SNX24: variants seen among roughly 807,000 people sequenced by gnomAD.
The protein encoded by SNX24 is sorting nexin 24, also known as sorting nexin-24.
Under a neutral mutation model 28.7 loss-of-function variants are expected in SNX24, and 22 were observed. The ratio of observed to expected loss-of-function variants is 0.77; its 90% CI spans 0.55 to 1.10. The LOEUF (loss-of-function observed/expected upper bound fraction) is 1.10, where lower values mean the gene tolerates loss of function less well. Ranked by LOEUF, SNX24 falls within the 50% of genes least tolerant of loss-of-function variation. The pLI is 0.00. For missense variants in SNX24, 221 were observed against 201.1 expected, an observed-to-expected ratio of 1.10 and a Z score of -0.60; for synonymous variants, 69 against 71.5, an observed-to-expected ratio of 0.96 and a Z score of 0.18.
intron 5 of SNX24, chr5:123,023,514 A>G (rs1663444135): frequency 1.3e-5 from 2 of 156,858 alleles, no homozygotes; most frequent in African/African-American, 4.8e-5. Context: ...CAAAATAATA[A>G]TATCCTCATC....
chr5:123,000,082 A>G, intron 4 of SNX24, 76 bp downstream of exon 4: 1 of 1,006,770 alleles, frequency 9.9e-7, no homozygotes, highest in Non-Finnish European at 1.6e-6. Flanking sequence ...CAAATAGCCC[A>G]GAGTGATGCC....
chr5:122,900,599 C>T (rs980715451), intron 1 of SNX24, among the ~76,000 whole-genome samples: 7 of 151,864 alleles, frequency 4.6e-5, no homozygotes, highest in African/African-American at 1.7e-4. Context: ...AAGACCCCAT[C>T]ACTACAAAAA....
chr5:122,936,817 G>A lies in SNX24; in HGVS notation c.144G>A (p.Lys48=). The A allele has an allele frequency of 6.3e-7, 1 of 1,597,858 alleles. No homozygotes were observed. Among genetic ancestry groups the A allele is most frequent in the Non-Finnish European group, 8.6e-7 (1 of 1,167,778 alleles). ...RYSEFHALHK[K]LKKCIKTPEI... is the part of the protein sequence containing the mutation. ...GCGAATTTCATGCTTTGCACAAAAA[G>A]GTAACTTGTTTTCTGTTTTTTTGTC... The change falls in exon 2 of 7, where the codon AAG becomes AAA. Residue 48 remains lysine (K), a splice_region_variant and synonymous_variant. Coordinates refer to ENST00000261369, the MANE Select transcript of SNX24 (RefSeq NM_014035.4).
At chr5:122,876,492 C>A (rs1392499165) in intron 1 of SNX24, among the ~76,000 whole-genome samples, 1 of 152,188 alleles carries the variant, frequency 6.6e-6, no homozygotes, top group Non-Finnish European at 1.5e-5. Flanking sequence ...TGATCTTACT[C>A]TCAACAAAGT....
chr5:122,954,187 T>TTC (rs150039118), intron 3 of SNX24, among the ~76,000 whole-genome samples: 16 of 144,394 alleles, frequency 1.1e-4, no homozygotes, highest in African/African-American at 3.3e-4. Context: ...GCAGTGAACT[T>TTC]TCTCTCTCTC....
downstream of SNX24, among the ~76,000 whole-genome samples, chr5:123,012,210 C>T (rs1217481169): frequency 3.3e-5 from 5 of 152,282 alleles, no homozygotes; most frequent in East Asian, 9.6e-4. Flanking sequence ...ATAAATTACC[C>T]ACTCTCGGGC....
chr5:122,883,461 A>G (rs1035750910), intron 1 of SNX24, among the ~76,000 whole-genome samples: 8 of 152,198 alleles, frequency 5.3e-5, no homozygotes, highest in Non-Finnish European at 1.0e-4. Flanking sequence ...TATTACCATT[A>G]CATTCTTTTC....
chr5:122,854,100 A>T (rs900978479), intron 1 of SNX24, among the ~76,000 whole-genome samples: 2 of 152,008 alleles, frequency 1.3e-5, no homozygotes, highest in African/African-American at 4.8e-5. Flanking sequence ...AAAAAAAAAA[A>T]GTGGTATGAG....
chr5:122,845,663 T>A lies in SNX24; in HGVS notation c.30T>A (p.Tyr10Ter). The A allele has an allele frequency of 1.4e-5, 20 of 1,429,406 alleles. No homozygotes were observed. Among genetic ancestry groups the A allele is most frequent in the Non-Finnish European group, 1.8e-5 (20 of 1,082,266 alleles). 88.5% of individuals were successfully genotyped at this position (1,429,406 alleles called of 1,614,324 possible). A position where few individuals can be genotyped will look rare whatever the true frequency, so the allele number is the denominator to read the frequency against. The change falls in exon 1 of 7, where the codon TAT (tyrosine) becomes TAA (stop). Residue 10 changes from tyrosine (Y) to a stop codon, truncating the protein, a stop_gained. Coordinates refer to ENST00000261369, the MANE Select transcript of SNX24 (RefSeq NM_014035.4). LOFTEE classifies it high-confidence loss of function. ...AGGTCTACATCCCGTCCTTTCGCTA[T>A]GAAGAGAGCGACCTGGAGCGGGGAT... is the stretch of plus-strand genomic sequence containing the variant. MEVYIPSFRYEESDLERGYT... is the reference protein window; with the variant it reads MEVYIPSFR
At chr5:122,884,498 A>G (rs1289918150) in intron 1 of SNX24, among the ~76,000 whole-genome samples, 2 of 150,844 alleles carry the variant, frequency 1.3e-5, no homozygotes. Context: ...TGATCCACCC[A>G]CCTCGGCCTC....
chr5:122,983,934 A>T (rs968783607), intron 3 of SNX24, among the ~76,000 whole-genome samples: 2 of 152,210 alleles, frequency 1.3e-5, no homozygotes, highest in Non-Finnish European at 2.9e-5. Context: ...TATTATTGTG[A>T]TAGTCATCAG....
intron 1 of SNX24, among the ~76,000 whole-genome samples, chr5:122,920,723 A>G (rs1197388952): frequency 6.6e-6 from 1 of 152,232 alleles, no homozygotes; most frequent in African/African-American, 2.4e-5. Context: ...AGTGTCAAAG[A>G]GGGATCTGGA....
intron 1 of SNX24, among the ~76,000 whole-genome samples, chr5:122,899,651 C>T (rs1042580368): frequency 6.6e-6 from 1 of 152,018 alleles, no homozygotes; most frequent in Non-Finnish European, 1.5e-5. Context: ...TTAAGCAGTA[C>T]GCCTGCCTCA....
At chr5:122,917,915 C>T (rs1758251444) in intron 1 of SNX24, among the ~76,000 whole-genome samples, 1 of 151,928 alleles carries the variant, frequency 6.6e-6, no homozygotes, top group African/African-American at 2.4e-5. Flanking sequence ...CCCGTCTCTA[C>T]TAAAAATACA....
intron 1 of SNX24, among the ~76,000 whole-genome samples, chr5:122,880,609 G>A (rs963474171): frequency 6.6e-5 from 10 of 152,144 alleles, no homozygotes; most frequent in African/African-American, 2.4e-4. Flanking sequence ...AAAATGTTTA[G>A]TCTGCAAGGC....
At chr5:122,893,426 G>A (rs1376242836) in intron 1 of SNX24, among the ~76,000 whole-genome samples, 3 of 151,894 alleles carry the variant, frequency 2.0e-5, no homozygotes, top group South Asian at 2.1e-4. Flanking sequence ...AGATCTGCGT[G>A]GTAGGTGTGC....
In SNX24 at chr5:122,950,983, T is replaced by G. The variant is rs150065091; in HGVS notation, c.249+4824T>G. ...GATAAAGCTTCTAGAAAATTTAAAGTCAGGCCGGGCTTGGTGGCTCACGCC... is the reference window on the plus strand; with the variant it reads ...GATAAAGCTTCTAGAAAATTTAAAGGCAGGCCGGGCTTGGTGGCTCACGCC... On this transcript the variant is annotated intron_variant, in intron 3 of 6. Coordinates refer to ENST00000261369, the MANE Select transcript of SNX24 (RefSeq NM_014035.4). Among the ~76,000 whole-genome samples the G allele has an allele frequency of 1.2e-4, 18 of 152,080 alleles. No homozygotes were observed. The East Asian group carries it at 3.5e-3, about 29-fold the overall frequency.
chr5:122,945,926 C>A (rs1759661186), intron 2 of SNX24, 129 bp from the exon 3 acceptor site: 4 of 516,092 alleles, frequency 7.8e-6, no homozygotes, highest in African/African-American at 1.9e-5. Flanking sequence ...ATATTTTCCT[C>A]TATTTTTTAT....
chr5:122,879,001 C>T (rs909613396), intron 1 of SNX24, among the ~76,000 whole-genome samples: 1 of 151,018 alleles, frequency 6.6e-6, no homozygotes, highest in Non-Finnish European at 1.5e-5. Flanking sequence ...TAATGCAAGC[C>T]ACAAATGTGA....
Sources: allele counts gnomAD v4.1 joint callset (sites outside exome capture counted in the v4.1 genomes callset), GRCh38; gene constraint gnomAD v4.1.1; transcripts MANE v1.5; gene names NCBI Gene and HGNC (gene_info 2026-07-23, HGNC 2026-07-21).